Variants in SPOCK1 observed in about 807,000 individuals in gnomAD.
SPOCK1 encodes the protein SPARC (osteonectin), cwcv and kazal like domains proteoglycan 1.
In SPOCK1, 23 loss-of-function variants were observed where a neutral mutation model predicts 55.3. The ratio of observed to expected loss-of-function variants is 0.42; its 90% confidence interval spans 0.30 to 0.59. SPOCK1 has a LOEUF of 0.59. Among genes scored for constraint, SPOCK1 ranks in the 20% least tolerant of loss-of-function variants. The pLI, the probability that SPOCK1 is intolerant of heterozygous loss-of-function variation, is 0.22. For missense variants in SPOCK1, 499 were observed against 552.5 expected (o/e 0.90, Z 0.97); for synonymous variants, 226 against 221.0 (o/e 1.02, Z -0.20).
chr5:137,342,290 T>C (rs1400509558), intron 2 of SPOCK1, among the ~76,000 whole-genome samples: 1 of 152,134 alleles, frequency 6.6e-6, no homozygotes, highest in Non-Finnish European at 1.5e-5. Flanking sequence ...AACAAGAATC[T>C]CTTTCAATGG....
intron 3 of SPOCK1, among the ~76,000 whole-genome samples, chr5:137,259,215 A>G (rs776031509): frequency 6.6e-6 from 1 of 152,214 alleles, no homozygotes; most frequent in Non-Finnish European, 1.5e-5. Flanking sequence ...CACTGTTCAC[A>G]ATAGCAAAGA....
At chr5:136,999,020 C>T (rs577935053) in intron 6 of SPOCK1, among the ~76,000 whole-genome samples, 45 of 152,274 alleles carry the variant, frequency 3.0e-4, no homozygotes, top group African/African-American at 8.9e-4. Context: ...GGGAAGAAAA[C>T]GTGATCGCTC....
At chr5:137,106,724 TGCAGCCAGTGTAA>T (rs751130799) in intron 5 of SPOCK1, among the ~76,000 whole-genome samples, 1 of 152,156 alleles carries the variant, frequency 6.6e-6, no homozygotes, top group Non-Finnish European at 1.5e-5. Flanking sequence ...ATGCCCACCC[TGCAGCCAGTGTAA>T]GCATACTCAA....
At chr5:137,494,557 A>C (rs908762714) in intron 2 of SPOCK1, among the ~76,000 whole-genome samples, 1 of 152,234 alleles carries the variant, frequency 6.6e-6, no homozygotes, top group Non-Finnish European at 1.5e-5. Flanking sequence ...GGCACACTCG[A>C]TGCTCCATAA....
chr5:137,026,292 T>C (rs1187256568), intron 6 of SPOCK1, among the ~76,000 whole-genome samples: 1 of 152,238 alleles, frequency 6.6e-6, no homozygotes, highest in Non-Finnish European at 1.5e-5. Context: ...AGATGGTAAG[T>C]CAAACATTAT....
intron 6 of SPOCK1, among the ~76,000 whole-genome samples, chr5:137,060,258 C>A (rs1752371398): frequency 6.6e-6 from 1 of 152,166 alleles, no homozygotes; most frequent in African/African-American, 2.4e-5. Flanking sequence ...CCATAGAATA[C>A]TACATAGCCA....
At chr5:137,065,973 C>T (rs1162877950) in intron 6 of SPOCK1, among the ~76,000 whole-genome samples, 1 of 151,992 alleles carries the variant, frequency 6.6e-6, no homozygotes, top group Non-Finnish European at 1.5e-5. Flanking sequence ...AATATGAAGC[C>T]CATCATTAAG....
chr5:137,415,820 C>T (rs991598654), intron 2 of SPOCK1, among the ~76,000 whole-genome samples: 1 of 152,162 alleles, frequency 6.6e-6, no homozygotes, highest in Non-Finnish European at 1.5e-5. Flanking sequence ...AATGAAAATA[C>T]ATTAGCTGTC....
At chr5:137,304,643 T>A (rs2127138914) in intron 2 of SPOCK1, among the ~76,000 whole-genome samples, 1 of 152,258 alleles carries the variant, frequency 6.6e-6, no homozygotes, top group South Asian at 2.1e-4. Context: ...TTCCCCCCAC[T>A]GGGTGAGCAA....
At chr5:137,266,578 C>T (rs975204550) in intron 3 of SPOCK1, among the ~76,000 whole-genome samples, 2 of 152,118 alleles carry the variant, frequency 1.3e-5, no homozygotes, top group African/African-American at 4.8e-5. Context: ...CAAATAAAAT[C>T]GCAGTACCCT....
intron 2 of SPOCK1, among the ~76,000 whole-genome samples, chr5:137,335,715 G>C (rs1750256715): frequency 1.3e-5 from 2 of 152,182 alleles, no homozygotes; most frequent in Admixed American, 6.5e-5. Context: ...TCCCCAGAAA[G>C]GGTCAGGCCT....
chr5:137,056,254 C>A (rs1752298321), intron 6 of SPOCK1, among the ~76,000 whole-genome samples: 1 of 152,052 alleles, frequency 6.6e-6, no homozygotes, highest in Non-Finnish European at 1.5e-5. Context: ...TGCAGCTACA[C>A]AACCATGTGG....
At chr5:137,446,141 T>A (rs922083627) in intron 2 of SPOCK1, among the ~76,000 whole-genome samples, 1 of 152,184 alleles carries the variant, frequency 6.6e-6, no homozygotes, top group African/African-American at 2.4e-5. Context: ...GACTTAAATG[T>A]CACACCAAAA....
At chr5:137,450,676 C>A (rs1163241667) in intron 2 of SPOCK1, among the ~76,000 whole-genome samples, 1 of 152,174 alleles carries the variant, frequency 6.6e-6, no homozygotes, top group Non-Finnish European at 1.5e-5. Flanking sequence ...AACTTCACAA[C>A]AATATTCAGC....
intron 4 of SPOCK1, among the ~76,000 whole-genome samples, chr5:137,118,412 C>T (rs775903823): frequency 2.0e-5 from 3 of 152,148 alleles, no homozygotes; most frequent in Non-Finnish European, 4.4e-5. Context: ...CCTTCAACTC[C>T]GCACGTCAGT....
At position 137,266,055 on chromosome 5, in the gene SPOCK1, G is replaced by A. The variant is rs147210891; in HGVS notation, c.232+955C>T. 1.9e-3 allele frequency among the ~76,000 whole-genome samples: 285 copies of A among 152,238 alleles called. 3 individuals carry two copies. The highest frequency in any genetic ancestry group is 6.3e-3 in the African/African-American group (260 of 41,540). On this transcript the variant is annotated intron_variant, in intron 3 of 10. Transcript: ENST00000394945. ...CAATTTTAATACCATTTTTGCTTAC[G>A]AGAAAACCAGAGTCCAGAGGTAGTG...
intron 2 of SPOCK1, among the ~76,000 whole-genome samples, chr5:137,436,099 G>A (rs573051579): frequency 8.5e-5 from 13 of 152,152 alleles, no homozygotes; most frequent in Admixed American, 7.2e-4. Context: ...TGGAGGTTGC[G>A]GTGAGCCAGA....
At chr5:137,180,601 G>A (rs1754952850) in intron 3 of SPOCK1, among the ~76,000 whole-genome samples, 1 of 152,248 alleles carries the variant, frequency 6.6e-6, no homozygotes, top group East Asian at 1.9e-4. Context: ...CCAGGGGGTC[G>A]TTTGATTCCT....
chr5:137,083,657 G>C (rs570838149), intron 5 of SPOCK1, among the ~76,000 whole-genome samples: 2 of 152,130 alleles, frequency 1.3e-5, no homozygotes, highest in African/African-American at 4.8e-5. Flanking sequence ...TGTGTGTGAA[G>C]TACTTAACAC....
Sources: allele counts gnomAD v4.1 joint callset (sites outside exome capture counted in the v4.1 genomes callset), GRCh38; gene constraint gnomAD v4.1.1; transcripts MANE v1.5; gene names NCBI Gene and HGNC (gene_info 2026-07-23, HGNC 2026-07-21).